Variants in C1orf87 observed in about 807,000 individuals in gnomAD.
C1orf87 encodes the protein chromosome 1 open reading frame 87, also known as uncharacterized protein C1orf87.
C1orf87 carries 58 observed loss-of-function variants against 60.5 expected under a neutral mutation model. That is an observed-to-expected ratio of 0.96 (90% confidence interval 0.78 to 1.19). The LOEUF (loss-of-function observed/expected upper bound fraction) is 1.19. Among genes scored for constraint, C1orf87 ranks in the 50% most tolerant of loss-of-function variants. The pLI, the probability that C1orf87 is intolerant of heterozygous loss-of-function variation, is 0.00. For missense variants in C1orf87, 673 were observed against 638.6 expected (o/e 1.05, Z -0.58); for synonymous variants, 236 against 227.4 (o/e 1.04, Z -0.34).
At chr1:60,010,078 G>T (rs1438196810) in intron 9 of C1orf87, among the ~76,000 whole-genome samples, 1 of 150,816 alleles carries the variant, frequency 6.6e-6, no homozygotes, top group Non-Finnish European at 1.5e-5. Context: ...TTTGATCTAA[G>T]CGACTGTGCA....
chr1:60,002,673 T>C (rs1199176647), intron 9 of C1orf87, among the ~76,000 whole-genome samples: 1 of 152,082 alleles, frequency 6.6e-6, no homozygotes, highest in Non-Finnish European at 1.5e-5. Flanking sequence ...TTTGTTGCCA[T>C]TGCTTTTGGT....
At chr1:60,042,334 A>G (rs570176758) in intron 3 of C1orf87, among the ~76,000 whole-genome samples, 4 of 152,190 alleles carry the variant, frequency 2.6e-5, no homozygotes, top group Admixed American at 2.6e-4. Context: ...TCCCGGGTTC[A>G]AGTGATTCTC....
intron 9 of C1orf87, among the ~76,000 whole-genome samples, chr1:60,002,556 C>A (rs139337406): frequency 2.6e-5 from 4 of 151,858 alleles, no homozygotes; most frequent in Non-Finnish European, 5.9e-5. Flanking sequence ...GAGTAGGTTG[C>A]GAAAATTTTC....
chr1:60,050,504 T>C (rs1645406634), intron 3 of C1orf87, among the ~76,000 whole-genome samples: 1 of 151,122 alleles, frequency 6.6e-6, no homozygotes. Context: ...TTTATAACTA[T>C]CTAGTTTGCC....
intron 3 of C1orf87, among the ~76,000 whole-genome samples, chr1:60,050,887 G>A (rs914128052): frequency 6.6e-6 from 1 of 152,128 alleles, no homozygotes; most frequent in South Asian, 2.1e-4. Context: ...TATTTTAATA[G>A]TATGGCAACA....
chr1:60,033,772 A>C, intron 6 of C1orf87, 131 bp from the exon 7 acceptor site: 14 of 964,160 alleles, frequency 1.5e-5, no homozygotes, highest in Non-Finnish European at 2.1e-5. Flanking sequence ...AGGCCCTCTC[A>C]GTCTTGGGAA....
At chr1:60,071,708 G>C (rs895938920) in intron 2 of C1orf87, among the ~76,000 whole-genome samples, 1 of 152,086 alleles carries the variant, frequency 6.6e-6, no homozygotes, top group African/African-American at 2.4e-5. Flanking sequence ...TATTTTTGAG[G>C]TCTCTCCCAG....
intron 7 of C1orf87, among the ~76,000 whole-genome samples, chr1:60,032,851 T>C (rs1386605679): frequency 2.0e-5 from 3 of 152,188 alleles, no homozygotes; most frequent in African/African-American, 7.2e-5. Flanking sequence ...AAGCAAAGCA[T>C]TTAGCACGGT....
chr1:60,067,389 C>T (rs1645554032), intron 2 of C1orf87, among the ~76,000 whole-genome samples: 1 of 151,992 alleles, frequency 6.6e-6, no homozygotes, highest in South Asian at 2.1e-4. Flanking sequence ...TCATTCCTGA[C>T]ATTTCAATGA....
chr1:60,063,343 C>A (rs1290031055), intron 2 of C1orf87, among the ~76,000 whole-genome samples: 1 of 152,148 alleles, frequency 6.6e-6, no homozygotes, highest in Non-Finnish European at 1.5e-5. Flanking sequence ...GCTTCCATCT[C>A]CTGCCTGGAT....
Position 60,032,230 on chromosome 1 carries a change from C to T in C1orf87, c.1029+1246G>A, listed in dbSNP as rs573965365. 1.9e-4 allele frequency among the ~76,000 whole-genome samples: 29 copies of T among 152,152 alleles called. No individual in the cohort carries two copies. The South Asian group carries it at 6.0e-3, about 32-fold the overall frequency. On this transcript the variant is annotated intron_variant, in intron 7 of 11. Transcript: ENST00000371201. The stretch of plus-strand genomic sequence containing the variant: ...AATATTTCTAACAGGGATTTTTTGG[C>T]CTATAATTTCCAATTCTTTCTAATC...
At chr1:60,018,323 C>T (rs1407004988) in intron 8 of C1orf87, among the ~76,000 whole-genome samples, 2 of 152,056 alleles carry the variant, frequency 1.3e-5, no homozygotes, top group African/African-American at 4.8e-5. Context: ...TTTTTTAGTT[C>T]TTATGGTTGT....
intron 3 of C1orf87, among the ~76,000 whole-genome samples, chr1:60,047,338 T>C (rs900038703): frequency 6.6e-6 from 1 of 152,226 alleles, no homozygotes; most frequent in Admixed American, 6.5e-5. Flanking sequence ...ACATATTTAA[T>C]GTGTTTCAAT....
At chr1:60,020,475 G>A (rs1163623514) in intron 8 of C1orf87, among the ~76,000 whole-genome samples, 1 of 152,190 alleles carries the variant, frequency 6.6e-6, no homozygotes, top group Non-Finnish European at 1.5e-5. Context: ...ACCCTTAGGA[G>A]CCCAACCCTT....
intron 2 of C1orf87, among the ~76,000 whole-genome samples, chr1:60,056,454 A>G (rs1645457416): frequency 6.6e-6 from 1 of 152,206 alleles, no homozygotes; most frequent in African/African-American, 2.4e-5. Flanking sequence ...ATTTAGTAAT[A>G]GGTGGATGCA....
intron 9 of C1orf87, chr1:60,008,766 A>T (rs1645063572): frequency 2.3e-6 from 1 of 443,108 alleles, no homozygotes; most frequent in African/African-American, 2.0e-5. Context: ...CCTCATTGAA[A>T]ATATGATGCT....
chr1:60,030,516 A>G, intron 7 of C1orf87, among the ~76,000 whole-genome samples: 1 of 152,216 alleles, frequency 6.6e-6, no homozygotes, highest in East Asian at 1.9e-4. Flanking sequence ...CATGAAAATG[A>G]AGCAAAGAGT....
chr1:60,009,554 C>T (rs1645068206), intron 9 of C1orf87, among the ~76,000 whole-genome samples: 1 of 151,910 alleles, frequency 6.6e-6, no homozygotes, highest in Non-Finnish European at 1.5e-5. Flanking sequence ...AGTAAATTCC[C>T]TCTGCTTGAA....
chr1:60,001,715 C>T (rs1002113929), intron 9 of C1orf87, among the ~76,000 whole-genome samples: 2 of 152,054 alleles, frequency 1.3e-5, no homozygotes, highest in South Asian at 4.1e-4. Flanking sequence ...CTCTTAAGAA[C>T]CTCTGCCCCT....
Sources: gnomAD v4.1 joint callset for allele counts (sites outside exome capture counted in the v4.1 genomes callset) on GRCh38, gnomAD v4.1.1 for gene constraint, MANE v1.5 for transcripts, NCBI Gene and HGNC (gene_info 2026-07-23, HGNC 2026-07-21) for gene names.